KCTD8: variants seen among roughly 807,000 people sequenced by gnomAD.
KCTD8 encodes BTB/POZ domain-containing protein KCTD8.
Under a neutral mutation model 31.5 loss-of-function variants are expected in KCTD8, and 27 were observed. The ratio of observed to expected loss-of-function variants is 0.86; its 90% CI spans 0.63 to 1.18. The LOEUF is 1.18. Among genes scored for constraint, KCTD8 ranks in the 50% most tolerant of loss-of-function variants. KCTD8 has a pLI of 0.00. For synonymous variants in KCTD8, 290 were observed against 280.0 expected, an observed-to-expected ratio of 1.04 and a Z score of -0.36; for missense variants, 658 against 647.7, an observed-to-expected ratio of 1.02 and a Z score of -0.17.
rs148577660 is a variant in KCTD8 at position 44,201,282 on chromosome 4, T to G, written c.962-26032A>C. On this transcript the variant is annotated intron_variant, in intron 1 of 1. Coordinates refer to ENST00000360029, the MANE Select transcript of KCTD8 (RefSeq NM_198353.3). ...ATATTATATCAAACTACCAATATCA[T>G]TTTTCACAGAATTAGGAAAAAGGAT... Among the ~76,000 whole-genome samples, 318 of 152,174 alleles carry G rather than the reference T, an allele frequency of 2.1e-3. 1 individual carries two copies. The highest frequency in any genetic ancestry group is 7.3e-3 in the African/African-American group (303 of 41,540).
intron 1 of KCTD8, among the ~76,000 whole-genome samples, chr4:44,296,653 TCTA>T (rs1358051272): frequency 1.3e-5 from 2 of 152,110 alleles, no homozygotes; most frequent in African/African-American, 4.8e-5. Flanking sequence ...ACTCTATTCC[TCTA>T]CTAACACAGT....
chr4:44,337,636 T>C (rs1414196262), intron 1 of KCTD8, among the ~76,000 whole-genome samples: 1 of 149,338 alleles, frequency 6.7e-6, no homozygotes, highest in African/African-American at 2.5e-5. Flanking sequence ...ATTGCACCAC[T>C]GCACTCCAGC....
At chr4:44,206,511 T>C (rs532752362) in intron 1 of KCTD8, among the ~76,000 whole-genome samples, 4 of 152,186 alleles carry the variant, frequency 2.6e-5, no homozygotes, top group South Asian at 2.1e-4. Context: ...TGGCCTTCCA[T>C]TGATTGATGA....
Position 44,267,582 on chromosome 4 carries a change from C to CT in KCTD8, c.962-92333dup, listed in dbSNP as rs879925612. ...AAGGAAATAGAGACAAATAAAAACCCTCAAAAAATTAATGAATCCAGGAGC... is the reference window on the plus strand; with the variant it reads ...AAGGAAATAGAGACAAATAAAAACCCTTCAAAAAATTAATGAATCCAGGAGC... On this transcript the variant is annotated intron_variant, in intron 1 of 1. Transcript: ENST00000360029. Among the ~76,000 whole-genome samples, 646 of 151,942 alleles carry CT rather than the reference C, an allele frequency of 4.3e-3. 7 individuals are homozygous for CT. Among genetic ancestry groups the CT allele is most frequent in the Non-Finnish European group, 4.2e-3 (282 of 67,902 alleles).
chr4:44,235,863 G>A (rs1715276328), intron 1 of KCTD8, among the ~76,000 whole-genome samples: 1 of 151,858 alleles, frequency 6.6e-6, no homozygotes, highest in African/African-American at 2.4e-5. Flanking sequence ...ATTACAATGA[G>A]TCCCTGTATC....
intron 1 of KCTD8, among the ~76,000 whole-genome samples, chr4:44,345,356 C>T (rs1175070590): frequency 6.6e-6 from 1 of 151,978 alleles, no homozygotes; most frequent in Non-Finnish European, 1.5e-5. Context: ...ATGTCCTTGG[C>T]AGGTTGGAAT....
At chr4:44,213,323 T>G (rs1424294262) in intron 1 of KCTD8, among the ~76,000 whole-genome samples, 1 of 152,200 alleles carries the variant, frequency 6.6e-6, no homozygotes, top group African/African-American at 2.4e-5. Context: ...CAAAGTTTGT[T>G]TTTATTCTTT....
At chr4:44,412,192 C>T (rs17461148) in intron 1 of KCTD8, among the ~76,000 whole-genome samples, 10,830 of 152,182 alleles carry the variant, frequency 0.071, 443 homozygotes, top group South Asian at 0.11. Context: ...ACAAACTAAT[C>T]CACAGTAAAT....
chr4:44,284,671 A>C (rs1428357803), intron 1 of KCTD8, among the ~76,000 whole-genome samples: 1 of 152,244 alleles, frequency 6.6e-6, no homozygotes, highest in African/African-American at 2.4e-5. Flanking sequence ...AACTATCATC[A>C]GAGTGAACAG....
chr4:44,252,629 CT>C (rs1715876800), intron 1 of KCTD8, among the ~76,000 whole-genome samples: 1 of 151,622 alleles, frequency 6.6e-6, no homozygotes, highest in Non-Finnish European at 1.5e-5. Context: ...TTATTTTTTA[CT>C]GTAAAAATTT....
At chr4:44,233,099 A>T (rs1421138166) in intron 1 of KCTD8, among the ~76,000 whole-genome samples, 1 of 151,978 alleles carries the variant, frequency 6.6e-6, no homozygotes, top group African/African-American at 2.4e-5. Flanking sequence ...TTCTTTTTAA[A>T]TTTTTTGTTT....
At chr4:44,353,315 T>G in intron 1 of KCTD8, among the ~76,000 whole-genome samples, 1 of 152,186 alleles carries the variant, frequency 6.6e-6, no homozygotes, top group South Asian at 2.1e-4. Flanking sequence ...TTATTATTTA[T>G]ATATTTTTGC....
intron 1 of KCTD8, among the ~76,000 whole-genome samples, chr4:44,226,150 T>A (rs1714956106): frequency 6.6e-6 from 1 of 152,076 alleles, no homozygotes; most frequent in Non-Finnish European, 1.5e-5. Context: ...GTTTTAAGCC[T>A]CATTTGCATT....
At chr4:44,436,846 A>C (rs1721660596) in intron 1 of KCTD8, among the ~76,000 whole-genome samples, 2 of 152,114 alleles carry the variant, frequency 1.3e-5, no homozygotes, top group South Asian at 4.1e-4. Context: ...CCTTAGCAAA[A>C]GGTACGACTG....
intron 1 of KCTD8, among the ~76,000 whole-genome samples, chr4:44,347,716 A>T (rs1330894231): frequency 1.3e-5 from 2 of 152,190 alleles, no homozygotes; most frequent in South Asian, 4.1e-4. Context: ...CAACACTGAT[A>T]TTTACAATTA....
chr4:44,250,758 C>T (rs954010859), intron 1 of KCTD8, among the ~76,000 whole-genome samples: 7 of 151,662 alleles, frequency 4.6e-5, no homozygotes, highest in Non-Finnish European at 8.9e-5. Context: ...TTTAATTGTG[C>T]TTTTTGTTCT....
At chr4:44,412,802 T>C (rs753223629) in intron 1 of KCTD8, among the ~76,000 whole-genome samples, 1 of 152,224 alleles carries the variant, frequency 6.6e-6, no homozygotes, top group Non-Finnish European at 1.5e-5. Context: ...ATCATTTTTC[T>C]AGGCATATTG....
chr4:44,226,424 C>T (rs1484100782), intron 1 of KCTD8, among the ~76,000 whole-genome samples: 1 of 152,150 alleles, frequency 6.6e-6, no homozygotes, highest in Non-Finnish European at 1.5e-5. Flanking sequence ...ACCAGATTTT[C>T]TTTATCTGGT....
chr4:44,295,404 T>C lies in KCTD8; in HGVS notation c.962-120154A>G, dbSNP rs943502358. Among the ~76,000 whole-genome samples, 103 of 152,164 alleles carry C rather than the reference T, an allele frequency of 6.8e-4. 1 individual carries two copies. Among genetic ancestry groups the C allele is most frequent in the Non-Finnish European group, 2.2e-4 (15 of 68,020 alleles). ...ATGTTTGGTTTGTTCCTGGGCTTAA[T>C]AGCTCTTAAATCTAAGACCCAAGAG... On this transcript the variant is annotated intron_variant, in intron 1 of 1. Transcript: ENST00000360029.
Sources: gnomAD v4.1 joint callset for allele counts (sites outside exome capture counted in the v4.1 genomes callset) on GRCh38, gnomAD v4.1.1 for gene constraint, MANE v1.5 for transcripts, NCBI Gene and HGNC (gene_info 2026-07-23, HGNC 2026-07-21) for gene names.